Variants in VAV3 observed in about 807,000 individuals in gnomAD.
VAV3 encodes vav guanine nucleotide exchange factor 3.
A neutral mutation model predicts 131.2 loss-of-function variants in VAV3; 94 were observed. The ratio of observed to expected loss-of-function variants is 0.72; its 90% CI spans 0.61 to 0.85. The LOEUF is 0.85. VAV3 is among the 40% of genes least tolerant of loss of function. The pLI, the probability that VAV3 is intolerant of heterozygous loss-of-function variation, is 0.00. For missense variants in VAV3, 939 were observed against 1,002.7 expected, an observed-to-expected ratio of 0.94 and a Z score of 0.86; for synonymous variants, 349 against 342.0, an observed-to-expected ratio of 1.02 and a Z score of -0.22.
At chr1:107,832,215 AC>A (rs565890177) in intron 2 of VAV3, among the ~76,000 whole-genome samples, 39 of 152,346 alleles carry the variant, frequency 2.6e-4, no homozygotes, top group Non-Finnish European at 4.7e-4. Context: ...GATCTAATGG[AC>A]TAATGGACCT....
chr1:107,796,913 C>T (rs994799970), intron 2 of VAV3, among the ~76,000 whole-genome samples: 1 of 150,652 alleles, frequency 6.6e-6, no homozygotes, highest in African/African-American at 2.4e-5. Flanking sequence ...TTACTTTCTC[C>T]TCAAAATATT....
chr1:107,625,470 T>C (rs1042816393), intron 20 of VAV3, among the ~76,000 whole-genome samples: 3 of 152,132 alleles, frequency 2.0e-5, no homozygotes, highest in Non-Finnish European at 4.4e-5. Context: ...TTTCACCATG[T>C]TGGCCAGGCT....
chr1:107,707,806 C>T (rs953913504), intron 15 of VAV3, among the ~76,000 whole-genome samples: 8 of 152,090 alleles, frequency 5.3e-5, no homozygotes, highest in African/African-American at 1.2e-4. Flanking sequence ...GGTGCCGAAA[C>T]CAAAGACAGT....
At chr1:107,672,596 C>T (rs985819600) in intron 19 of VAV3, among the ~76,000 whole-genome samples, 5 of 151,472 alleles carry the variant, frequency 3.3e-5, no homozygotes, top group South Asian at 2.1e-4. Context: ...AACAAATACA[C>T]CAGAAAAAAA....
chr1:107,729,700 G>T (rs577969311), intron 15 of VAV3, among the ~76,000 whole-genome samples: 1 of 152,160 alleles, frequency 6.6e-6, no homozygotes, highest in Non-Finnish European at 1.5e-5. Context: ...TTAACAAGAT[G>T]AGCATCCAAA....
intron 25 of VAV3, among the ~76,000 whole-genome samples, chr1:107,592,237 G>A (rs1278146274): frequency 1.3e-5 from 2 of 152,042 alleles, no homozygotes; most frequent in African/African-American, 4.8e-5. Context: ...TTTGCAGAAT[G>A]TCTTTTAGTT....
chr1:107,600,135 A>T (rs1651727986), intron 24 of VAV3, among the ~76,000 whole-genome samples: 1 of 151,896 alleles, frequency 6.6e-6, no homozygotes, highest in Non-Finnish European at 1.5e-5. Flanking sequence ...ACTGATTCTT[A>T]AGCTTCTTTT....
At chr1:107,586,081 C>A (rs998637892) in intron 25 of VAV3, among the ~76,000 whole-genome samples, 2 of 151,616 alleles carry the variant, frequency 1.3e-5, no homozygotes, top group African/African-American at 2.4e-5. Context: ...ACCCAACCAG[C>A]CCAGTTAAAA....
chr1:107,712,207 T>G (rs1570803274), intron 15 of VAV3, among the ~76,000 whole-genome samples: 1 of 152,126 alleles, frequency 6.6e-6, no homozygotes, highest in Admixed American at 6.5e-5. Context: ...AAGATAAATA[T>G]GTGAGAATAG....
intron 1 of VAV3, among the ~76,000 whole-genome samples, chr1:107,947,864 C>A (rs775760911): frequency 6.6e-6 from 1 of 152,148 alleles, no homozygotes; most frequent in Non-Finnish European, 1.5e-5. Flanking sequence ...TCACCCTGTG[C>A]CAGGTACTGA....
chr1:107,648,475 G>GA (rs1474631540), intron 19 of VAV3, among the ~76,000 whole-genome samples: 4 of 151,758 alleles, frequency 2.6e-5, no homozygotes, highest in African/African-American at 9.7e-5. Context: ...CATTTTATTG[G>GA]AAAAAATGTT....
intron 1 of VAV3, among the ~76,000 whole-genome samples, chr1:107,893,376 TA>T (rs1271421502): frequency 3.3e-5 from 5 of 152,216 alleles, no homozygotes; most frequent in African/African-American, 1.2e-4. Context: ...AGTGTTTACT[TA>T]AAAGTAATCT....
At chr1:107,653,974 C>G (rs1016713953) in intron 19 of VAV3, among the ~76,000 whole-genome samples, 1 of 151,988 alleles carries the variant, frequency 6.6e-6, no homozygotes, top group Non-Finnish European at 1.5e-5. Flanking sequence ...CTGTTCTGAC[C>G]ACGAAAACAC....
At chr1:107,874,395 C>T (rs1030501205) in intron 2 of VAV3, among the ~76,000 whole-genome samples, 1 of 152,196 alleles carries the variant, frequency 6.6e-6, no homozygotes, top group African/African-American at 2.4e-5. Flanking sequence ...CAATCTTGAA[C>T]ACTTGTGATT....
intron 22 of VAV3, chr1:107,609,540 C>G (rs1346969634): frequency 1.5e-5 from 2 of 136,432 alleles, no homozygotes; most frequent in African/African-American, 5.4e-5. Flanking sequence ...ATCTCTAAAA[C>G]TATAAAAAAT....
chr1:107,768,016 G>A (rs1243551014), intron 7 of VAV3, among the ~76,000 whole-genome samples: 1 of 152,158 alleles, frequency 6.6e-6, no homozygotes, highest in African/African-American at 2.4e-5. Context: ...CCAAATAGTA[G>A]AAGTCAAAGA....
At chr1:107,595,317 A>C (rs1361568810) in intron 25 of VAV3, among the ~76,000 whole-genome samples, 1 of 152,132 alleles carries the variant, frequency 6.6e-6, no homozygotes, top group Non-Finnish European at 1.5e-5. Flanking sequence ...ATGTTGTTGA[A>C]ACCCAGAGCA....
chr1:107,685,923 T>C (rs1171497675), intron 18 of VAV3: 1 of 147,862 alleles, frequency 6.8e-6, no homozygotes, highest in East Asian at 2.0e-4. Flanking sequence ...ACACATCTAG[T>C]AGCCACCCCT....
chr1:107,925,140 T>A (rs2101173589), intron 1 of VAV3, among the ~76,000 whole-genome samples: 1 of 152,310 alleles, frequency 6.6e-6, no homozygotes, highest in East Asian at 1.9e-4. Flanking sequence ...TATGTGTGAT[T>A]CTATTTACGT....
Sources: gnomAD v4.1 joint callset for allele counts (sites outside exome capture counted in the v4.1 genomes callset) on GRCh38, gnomAD v4.1.1 for gene constraint, MANE v1.5 for transcripts, NCBI Gene and HGNC (gene_info 2026-07-23, HGNC 2026-07-21) for gene names.